CCDC15: variants seen among roughly 807,000 people sequenced by gnomAD.
The protein encoded by CCDC15 is coiled-coil domain containing 15.
A neutral mutation model predicts 114.5 loss-of-function variants in CCDC15; 105 were observed. That is an observed-to-expected ratio of 0.92 (90% CI 0.78 to 1.08). CCDC15 has a LOEUF of 1.08. Ranked by LOEUF, CCDC15 falls within the 50% of genes least tolerant of loss-of-function variation. CCDC15 has a pLI of 0.00. For missense variants in CCDC15, 1,105 were observed against 1,093.6 expected (o/e 1.01, Z -0.15); for synonymous variants, 334 against 377.8 (o/e 0.88, Z 1.34).
At chr11:124,966,033 C>T (rs1302634452) in intron 4 of CCDC15, among the ~76,000 whole-genome samples, 1 of 152,178 alleles carries the variant, frequency 6.6e-6, no homozygotes. Flanking sequence ...TGTTCTTTTA[C>T]ATTTGCTGAG....
intron 4 of CCDC15, among the ~76,000 whole-genome samples, chr11:124,972,855 T>C (rs1039602870): frequency 4.6e-5 from 7 of 152,328 alleles, no homozygotes; most frequent in African/African-American, 1.7e-4. Flanking sequence ...TCTACCTCTC[T>C]CGTAAGGACA....
intron 6 of CCDC15, among the ~76,000 whole-genome samples, chr11:124,978,707 A>G (rs1440590503): frequency 1.3e-5 from 2 of 152,052 alleles, no homozygotes; most frequent in Non-Finnish European, 2.9e-5. Context: ...TCTGGATATC[A>G]GACCTTTCTT....
chr11:125,025,867 A>T (rs184930477), intron 13 of CCDC15, among the ~76,000 whole-genome samples: 115 of 152,196 alleles, frequency 7.6e-4, no homozygotes, highest in Middle Eastern at 3.4e-3. Flanking sequence ...CTGACTTAAG[A>T]TTAGTTAGTT....
Position 125,006,037 on chromosome 11 carries a change from T to C in CCDC15, c.2411+825T>C, listed in dbSNP as rs80354149. Among the ~76,000 whole-genome samples, 1,045 of 152,240 alleles carry C rather than the reference T, an allele frequency of 6.9e-3. 9 individuals carry two copies. Among genetic ancestry groups the C allele is most frequent in the Non-Finnish European group, 0.012 (840 of 67,994 alleles). On this transcript the variant is annotated intron_variant, in intron 13 of 15. Coordinates refer to ENST00000344762, the MANE Select transcript of CCDC15 (RefSeq NM_025004.3). Reference sequence around the variant, plus strand: ...AGCTACTTTAAAATCTATGTACAAGTTTTTGTGGGGGCATACATTTTTAGC... The same window carrying C: ...AGCTACTTTAAAATCTATGTACAAGCTTTTGTGGGGGCATACATTTTTAGC...
At chr11:124,985,822 T>C (rs1291606097) in intron 6 of CCDC15, among the ~76,000 whole-genome samples, 2 of 151,880 alleles carry the variant, frequency 1.3e-5, no homozygotes, top group Non-Finnish European at 2.9e-5. Context: ...TGTAGACTGT[T>C]ATCTTACTTG....
At chr11:124,983,891 A>G (rs199768008) in intron 6 of CCDC15, among the ~76,000 whole-genome samples, 1 of 151,034 alleles carries the variant, frequency 6.6e-6, no homozygotes, top group African/African-American at 2.4e-5. Context: ...GAGCGGCGGG[A>G]GTGGGGCCTA....
intron 2 of CCDC15, among the ~76,000 whole-genome samples, chr11:124,955,545 G>C (rs1439148190): frequency 6.6e-6 from 1 of 152,168 alleles, no homozygotes; most frequent in Non-Finnish European, 1.5e-5. Flanking sequence ...AGCTCCTTGA[G>C]CGTAGAGAAC....
At chr11:124,956,677 T>C (rs1375830295) in intron 2 of CCDC15, among the ~76,000 whole-genome samples, 1 of 152,226 alleles carries the variant, frequency 6.6e-6, no homozygotes, top group Non-Finnish European at 1.5e-5. Context: ...ACTCAAAATA[T>C]TAAAGTCTTG....
At chr11:125,034,576 G>C (rs1948763231) in intron 13 of CCDC15, among the ~76,000 whole-genome samples, 1 of 152,198 alleles carries the variant, frequency 6.6e-6, no homozygotes, top group Non-Finnish European at 1.5e-5. Context: ...GAACTTAGGA[G>C]CAACCAACCA....
At chr11:125,012,143 G>A (rs2135527966) in intron 13 of CCDC15, among the ~76,000 whole-genome samples, 1 of 152,238 alleles carries the variant, frequency 6.6e-6, no homozygotes, top group Middle Eastern at 3.4e-3. Context: ...AAACAGCCTT[G>A]GAAAGTTTGA....
chr11:125,038,366 T>A, intron 13 of CCDC15, 65 bp from the exon 14 acceptor site: 2 of 1,079,944 alleles, frequency 1.9e-6, no homozygotes, highest in Non-Finnish European at 2.5e-6. Context: ...GTTATTTGGA[T>A]AAAGAAGCTA....
chr11:124,988,427 T>G lies in CCDC15; in HGVS notation c.1908+293T>G, dbSNP rs1948213274. Among the ~76,000 whole-genome samples, 2 of 152,244 alleles carry G rather than the reference T, an allele frequency of 1.3e-5. 1 individual carries two copies. Among genetic ancestry groups the G allele is most frequent in the South Asian group, 4.1e-4 (2 of 4,832 alleles). On this transcript the variant is annotated intron_variant, in intron 8 of 15. Transcript: ENST00000344762. The stretch of plus-strand genomic sequence containing the variant: ...TTTATTGCTAAAAAATGCTTACGAT[T>G]ATCTGAGTCTTCGGCAAGCCATAAT...
intron 13 of CCDC15, among the ~76,000 whole-genome samples, chr11:125,020,245 G>T (rs1591610922): frequency 6.6e-6 from 1 of 151,896 alleles, no homozygotes; most frequent in Non-Finnish European, 1.5e-5. Context: ...TTTCACTCCT[G>T]AAGTAAATAA....
intron 4 of CCDC15, among the ~76,000 whole-genome samples, chr11:124,966,058 C>G (rs1373225727): frequency 6.6e-6 from 1 of 152,112 alleles, no homozygotes; most frequent in Non-Finnish European, 1.5e-5. Context: ...GCTTTACTTC[C>G]AACTATATGG....
At chr11:125,008,325 C>T (rs753481845) in intron 13 of CCDC15, among the ~76,000 whole-genome samples, 5 of 152,116 alleles carry the variant, frequency 3.3e-5, no homozygotes, top group Admixed American at 6.5e-5. Context: ...AAACTCCACC[C>T]GTTCATTGCT....
chr11:124,972,782 G>A (rs1947907344), intron 4 of CCDC15, among the ~76,000 whole-genome samples: 1 of 152,052 alleles, frequency 6.6e-6, no homozygotes, highest in Non-Finnish European at 1.5e-5. Flanking sequence ...TCTTGTGGCT[G>A]CATCACATCA....
chr11:125,032,316 C>A (rs1948744968), intron 13 of CCDC15, among the ~76,000 whole-genome samples: 1 of 152,166 alleles, frequency 6.6e-6, no homozygotes, highest in South Asian at 2.1e-4. Context: ...TTCTGTTGGA[C>A]CTTATGCACA....
chr11:124,966,622 G>T (rs1018188108), intron 4 of CCDC15, among the ~76,000 whole-genome samples: 2 of 152,052 alleles, frequency 1.3e-5, no homozygotes, highest in Non-Finnish European at 2.9e-5. Flanking sequence ...CTTTTAATTG[G>T]GGCATTTAGC....
chr11:124,962,039 C>CT (rs147713265), intron 4 of CCDC15, among the ~76,000 whole-genome samples: 150 of 149,278 alleles, frequency 1.0e-3, no homozygotes, highest in Non-Finnish European at 1.6e-3. Context: ...TACCCCCACA[C>CT]TTTTTTTTTT....
Sources: gnomAD v4.1 joint callset for allele counts (sites outside exome capture counted in the v4.1 genomes callset) on GRCh38, gnomAD v4.1.1 for gene constraint, MANE v1.5 for transcripts, NCBI Gene and HGNC (gene_info 2026-07-23, HGNC 2026-07-21) for gene names.